Variants in PRUNE2 observed in about 807,000 individuals in gnomAD.
The protein encoded by PRUNE2 is protein prune homolog 2.
In PRUNE2, 164 loss-of-function variants were observed where a neutral mutation model predicts 252.0. The observed-to-expected ratio is 0.65, with a 90% CI of 0.57 to 0.74. The LOEUF (loss-of-function observed/expected upper bound fraction) is 0.74, where lower values mean the gene tolerates loss of function less well. PRUNE2 is among the 30% of genes least tolerant of loss of function. The pLI is 0.00. For missense variants in PRUNE2, 3,495 were observed against 3,711.0 expected (o/e 0.94, Z 1.51); for synonymous variants, 1,292 against 1,350.2 (o/e 0.96, Z 0.94).
At chr9:76,884,375 A>C (rs1209050540) in intron 1 of PRUNE2, among the ~76,000 whole-genome samples, 1 of 152,198 alleles carries the variant, frequency 6.6e-6, no homozygotes, top group Admixed American at 6.5e-5. Context: ...GTCATTGGCT[A>C]AGTGCTTCAA....
chr9:76,711,470 T>G, intron 7 of PRUNE2, 112 bp from the exon 8 acceptor site: 1 of 702,652 alleles, frequency 1.4e-6, no homozygotes, highest in South Asian at 2.1e-5. Context: ...TCTGTGTTCA[T>G]CTGTCTGAAA....
At chr9:76,615,030 TA>T in intron 18 of PRUNE2, 1 of 886,386 alleles carries the variant, frequency 1.1e-6, no homozygotes, top group Non-Finnish European at 1.4e-6. Context: ...TAAGAAATGG[TA>T]AACAACAAAA....
intron 1 of PRUNE2, among the ~76,000 whole-genome samples, chr9:76,859,943 C>T (rs1383721103): frequency 6.6e-6 from 1 of 152,106 alleles, no homozygotes; most frequent in Non-Finnish European, 1.5e-5. Context: ...TCAGGCAATC[C>T]ACCTGCCTAG....
chr9:76,651,326 A>T (rs1391052812), intron 11 of PRUNE2, among the ~76,000 whole-genome samples: 2 of 152,232 alleles, frequency 1.3e-5, no homozygotes, highest in Non-Finnish European at 2.9e-5. Flanking sequence ...TCTGAACTGC[A>T]CTGCTCATGT....
chr9:76,825,379 T>C (rs2058285402), intron 5 of PRUNE2, among the ~76,000 whole-genome samples: 1 of 152,166 alleles, frequency 6.6e-6, no homozygotes, highest in Non-Finnish European at 1.5e-5. Flanking sequence ...GAGTTTACAC[T>C]CTTTCTCATG....
At chr9:76,614,784 C>A (rs1242948323) in intron 18 of PRUNE2, among the ~76,000 whole-genome samples, 184 bp from the exon 19 acceptor site, 1 of 152,150 alleles carries the variant, frequency 6.6e-6, no homozygotes, top group Admixed American at 6.5e-5. Flanking sequence ...AGGCTTTTCT[C>A]CAACATATGA....
At chr9:76,694,479 G>A (rs997539366) in intron 9 of PRUNE2, among the ~76,000 whole-genome samples, 6 of 152,102 alleles carry the variant, frequency 3.9e-5, no homozygotes, top group Middle Eastern at 6.3e-3. Flanking sequence ...CACCACATCC[G>A]GCCTAATTCT....
Position 76,707,763 on chromosome 9 carries a change from C to G in PRUNE2, c.4511G>C (p.Ser1504Thr). 1 of 1,613,560 alleles carries G rather than the reference C, an allele frequency of 6.2e-7. No individual in the cohort carries two copies. Among genetic ancestry groups the G allele is most frequent in the South Asian group, 1.1e-5 (1 of 91,032 alleles). ...ATTTTTGGTTATCTCAGAACATGTG[C>G]TGCTGACATGCACATCACTGTCTAT... ...VPIDSDVHVS[S>T]TCSEITKNLD... The change falls in exon 8 of 19, where the codon AGC becomes ACC. Residue 1504 changes from serine (S) to threonine (T), a missense_variant. Physicochemically the swap from Ser to Thr is moderately conservative, Grantham distance 58. Transcript: ENST00000376718.
At chr9:76,861,046 C>T (rs1442464709) in intron 1 of PRUNE2, among the ~76,000 whole-genome samples, 2 of 152,124 alleles carry the variant, frequency 1.3e-5, no homozygotes, top group African/African-American at 2.4e-5. Flanking sequence ...TGCTCACAAC[C>T]CTACAGGTCC....
chr9:76,782,714 T>C (rs2054551401), intron 6 of PRUNE2: 1 of 152,172 alleles, frequency 6.6e-6, no homozygotes, highest in Non-Finnish European at 1.5e-5. Context: ...CCAAGATAAA[T>C]AAGTGAAGAG....
At position 76,723,718 on chromosome 9, in the gene PRUNE2, T is replaced by C. The variant is rs1289715975; in HGVS notation, c.757-9997A>G. 8.0e-4 allele frequency among the ~76,000 whole-genome samples: 122 copies of C among 152,000 alleles called. 3 individuals carry two copies. Among genetic ancestry groups the C allele is most frequent in the Admixed American group, 7.9e-3 (120 of 15,256 alleles). ...TCTTTTGAGTTGAAGAATTCAAGAA[T>C]AGAGGGGGAGATAACATGTTTATTG... is the stretch of plus-strand genomic sequence containing the variant. On this transcript the variant is annotated intron_variant, in intron 6 of 18. Transcript: ENST00000376718.
intron 6 of PRUNE2, among the ~76,000 whole-genome samples, chr9:76,795,010 G>A (rs891898821): frequency 3.3e-5 from 5 of 152,186 alleles, no homozygotes; most frequent in Admixed American, 3.3e-4. Flanking sequence ...AGGAAGGCAA[G>A]AGAAGTTACT....
chr9:76,613,009 C>G lies in PRUNE2; in HGVS notation c.*1561G>C, dbSNP rs1006036594. 3.3e-5 allele frequency: 5 copies of G among 152,144 alleles called. No individual in the cohort carries two copies. The highest frequency in any genetic ancestry group is 5.9e-5 in the Non-Finnish European group (4 of 68,034). 9.4% of individuals were successfully genotyped at this position (152,144 alleles called of 1,614,324 possible). Reference sequence around the variant, plus strand: ...ACTAAGAATGGTTCCCAGAGTGAGGCACGGACTTCAGCCAACACCTGTATA... The same window carrying G: ...ACTAAGAATGGTTCCCAGAGTGAGGGACGGACTTCAGCCAACACCTGTATA... On this transcript the variant is annotated 3_prime_UTR_variant, in exon 19 of 19. Transcript: ENST00000376718.
intron 6 of PRUNE2, chr9:76,737,271 T>C (rs962848410): frequency 6.6e-6 from 1 of 152,234 alleles, no homozygotes; most frequent in African/African-American, 2.4e-5. Context: ...TGGCAGTTGC[T>C]TGCCTCCAGC....
chr9:76,661,634 T>A (rs576655570), intron 9 of PRUNE2, among the ~76,000 whole-genome samples: 1 of 152,334 alleles, frequency 6.6e-6, no homozygotes, highest in African/African-American at 2.4e-5. Flanking sequence ...CAAGGAATAA[T>A]TCTTCAGAAG....
At chr9:76,889,049 G>C (rs1435413720) in intron 1 of PRUNE2, among the ~76,000 whole-genome samples, 1 of 151,934 alleles carries the variant, frequency 6.6e-6, no homozygotes, top group Non-Finnish European at 1.5e-5. Context: ...CACCATGTTG[G>C]CCAGGCTGGT....
At chr9:76,840,959 C>T (rs1392111823) in intron 4 of PRUNE2, among the ~76,000 whole-genome samples, 1 of 151,014 alleles carries the variant, frequency 6.6e-6, no homozygotes, top group Non-Finnish European at 1.5e-5. Flanking sequence ...CCAACCTGGG[C>T]AACAAGCGCG....
At chr9:76,759,205 G>A (rs898861489) in intron 6 of PRUNE2, 3 of 152,176 alleles carry the variant, frequency 2.0e-5, no homozygotes, top group African/African-American at 4.8e-5. Flanking sequence ...AATGGAAATA[G>A]TGCATTTGAT....
At chr9:76,653,478 GA>G (rs1564471590) in intron 10 of PRUNE2, among the ~76,000 whole-genome samples, 1 of 151,918 alleles carries the variant, frequency 6.6e-6, no homozygotes, top group Non-Finnish European at 1.5e-5. Context: ...TAATGACCAG[GA>G]AAAAAAGTTT....
Sources: allele counts gnomAD v4.1 joint callset (sites outside exome capture counted in the v4.1 genomes callset), GRCh38; gene constraint gnomAD v4.1.1; transcripts MANE v1.5; gene names NCBI Gene and HGNC (gene_info 2026-07-23, HGNC 2026-07-21).